ANKRD29: variants seen among roughly 807,000 people sequenced by gnomAD.
ANKRD29 encodes the protein ankyrin repeat domain 29.
A neutral mutation model predicts 38.0 loss-of-function variants in ANKRD29; 32 were observed. That is an observed-to-expected ratio of 0.84 (90% CI 0.64 to 1.13). The LOEUF is 1.13. Among genes scored for constraint, ANKRD29 ranks in the 50% most tolerant of loss-of-function variants. The pLI, the probability that ANKRD29 is intolerant of heterozygous loss-of-function variation, is 0.00. For missense variants in ANKRD29, 357 were observed against 377.9 expected (o/e 0.94, Z 0.46); for synonymous variants, 135 against 152.4 (o/e 0.89, Z 0.84).
chr18:23,649,266 A>T, intron 1 of ANKRD29, 73 bp from the exon 2 acceptor site: 1 of 1,088,400 alleles, frequency 9.2e-7, no homozygotes, highest in Non-Finnish European at 1.4e-6. Flanking sequence ...CACATAGATA[A>T]TAACATTCAG....
intron 9 of ANKRD29, among the ~76,000 whole-genome samples, chr18:23,610,178 C>T (rs1055241448): frequency 3.9e-5 from 6 of 152,124 alleles, no homozygotes; most frequent in Non-Finnish European, 8.8e-5. Flanking sequence ...CTTTCTCCTC[C>T]AAAAGTTTGT....
intron 6 of ANKRD29, 31 bp from the exon 7 acceptor site, chr18:23,619,660 A>T: frequency 6.6e-7 from 1 of 1,524,156 alleles, no homozygotes; most frequent in Non-Finnish European, 8.7e-7. Context: ...GGCCGCCGTG[A>T]CTGGGGCGCC....
chr18:23,624,060 T>A (rs924904372), intron 6 of ANKRD29, among the ~76,000 whole-genome samples: 3 of 152,236 alleles, frequency 2.0e-5, no homozygotes, highest in Non-Finnish European at 4.4e-5. Context: ...AAAAAACATT[T>A]AAAAATATTC....
At chr18:23,616,688 G>T (rs1353094470) in intron 8 of ANKRD29, among the ~76,000 whole-genome samples, 1 of 143,538 alleles carries the variant, frequency 7.0e-6, no homozygotes, top group East Asian at 2.1e-4. Context: ...TATCTTTACT[G>T]TAGTAAATAT....
rs188624905 is a variant in ANKRD29, at chr18:23,645,468, G to A, written c.231+721C>T. Among the ~76,000 whole-genome samples the A allele has an allele frequency of 2.6e-5, 4 of 152,254 alleles. No individual in the cohort carries two copies. In the South Asian group the frequency reaches 6.2e-4, roughly 24 times the overall value. On this transcript the variant is annotated intron_variant, in intron 3 of 9. Coordinates refer to ENST00000592179, the MANE Select transcript of ANKRD29 (RefSeq NM_173505.4). ...CACACACCTGCAGTCCCAGCTACTCGGGAGGCTGAGGCATGAGAATCACTT... is the reference window on the plus strand; with the variant it reads ...CACACACCTGCAGTCCCAGCTACTCAGGAGGCTGAGGCATGAGAATCACTT...
intron 1 of ANKRD29, among the ~76,000 whole-genome samples, chr18:23,653,485 G>A (rs543780051): frequency 6.6e-6 from 1 of 152,208 alleles, no homozygotes; most frequent in South Asian, 2.1e-4. Context: ...TCCTGACCTC[G>A]TGATCCGCCC....
chr18:23,631,093 G>A lies in ANKRD29; in HGVS notation c.430-1142C>T, dbSNP rs528141969. 9.2e-5 allele frequency among the ~76,000 whole-genome samples: 14 copies of A among 151,860 alleles called. 1 individual carries two copies. The South Asian group carries it at 2.9e-3, about 32-fold the overall frequency. On this transcript the variant is annotated intron_variant, in intron 5 of 9. Transcript: ENST00000592179. ...CTTGTTCCCCCAACATGAGGGTTCT[G>A]CAAGAATTAAGATACAATATGCAGC... is the stretch of plus-strand genomic sequence containing the variant.
In ANKRD29 at chr18:23,615,143, G is replaced by A. The variant is rs117174027; in HGVS notation, c.723+2589C>T. Among the ~76,000 whole-genome samples, 41 of 152,096 alleles carry A rather than the reference G, an allele frequency of 2.7e-4. 2 individuals are homozygous for A. The East Asian group carries it at 7.6e-3, about 28-fold the overall frequency. On this transcript the variant is annotated intron_variant, in intron 8 of 9. Coordinates refer to ENST00000592179, the MANE Select transcript of ANKRD29 (RefSeq NM_173505.4). ...CTCAAGCAATCCTCCTGCCTCAGCT[G>A]GGACTACAGCCACACACCATGGCAT...
At chr18:23,662,622 A>AAAC in intron 1 of ANKRD29, 88 bp downstream of exon 1, 3 of 65,706 alleles carry the variant, frequency 4.6e-5, no homozygotes, top group Non-Finnish European at 8.3e-5. Context: ...CGCCCACCCC[A>AAAC]TCCCACCCCA....
intron 1 of ANKRD29, among the ~76,000 whole-genome samples, chr18:23,653,164 T>G (rs2060231825): frequency 6.6e-6 from 1 of 152,216 alleles, no homozygotes; most frequent in Admixed American, 6.5e-5. Flanking sequence ...CTCTATGATG[T>G]TTGCGCAATG....
At chr18:23,619,385 C>T in intron 7 of ANKRD29, 146 bp downstream of exon 7, 1 of 740,102 alleles carries the variant, frequency 1.4e-6, no homozygotes, top group Non-Finnish European at 2.1e-6. Context: ...CGAGCAGCAC[C>T]GAATCAGACC....
intron 6 of ANKRD29, among the ~76,000 whole-genome samples, chr18:23,626,253 T>C (rs1426377501): frequency 6.6e-6 from 1 of 152,232 alleles, no homozygotes; most frequent in African/African-American, 2.4e-5. Context: ...TGGCACTTTA[T>C]TAGATGACTT....
At chr18:23,636,156 A>ATGTG (rs1282575691) in intron 4 of ANKRD29, among the ~76,000 whole-genome samples, 1 of 152,178 alleles carries the variant, frequency 6.6e-6, no homozygotes, top group African/African-American at 2.4e-5. Flanking sequence ...GTATGTATGT[A>ATGTG]TGTCAGGGTC....
rs1358294108 is a variant in ANKRD29, at chr18:23,623,314, A to C, written c.529-3685T>G. On this transcript the variant is annotated intron_variant, in intron 6 of 9. Coordinates refer to ENST00000592179, the MANE Select transcript of ANKRD29 (RefSeq NM_173505.4). The stretch of plus-strand genomic sequence containing the variant: ...TTCATTACTAGTCATTACATCTCCA[A>C]ATCTGATTTTGGAGCCCAGGGAGTT... 2.0e-5 allele frequency among the ~76,000 whole-genome samples: 3 copies of C among 152,276 alleles called. No homozygotes were observed. The East Asian group carries it at 5.8e-4, about 29-fold the overall frequency.
chr18:23,626,320 G>A (rs2059861637), intron 6 of ANKRD29, among the ~76,000 whole-genome samples: 1 of 152,218 alleles, frequency 6.6e-6, no homozygotes, highest in African/African-American at 2.4e-5. Context: ...AGATAGAGAT[G>A]AGTTAACTGA....
Position 23,614,901 on chromosome 18 carries a change from C to T in ANKRD29, c.724-2711G>A, listed in dbSNP as rs564927559. Among the ~76,000 whole-genome samples, 4 of 152,234 alleles carry T rather than the reference C, an allele frequency of 2.6e-5. No individual in the cohort carries two copies. The South Asian group carries it at 8.3e-4, about 32-fold the overall frequency. ...CTGAGAGGACAGTCCTAAAGCTAAG[C>T]CGCTGTGTCCATTTAGAACAGATTT... On this transcript the variant is annotated intron_variant, in intron 8 of 9. Coordinates refer to ENST00000592179, the MANE Select transcript of ANKRD29 (RefSeq NM_173505.4).
At position 23,612,188 on chromosome 18, in the gene ANKRD29, ATT is replaced by A; in HGVS notation, c.724_725del (p.Asn242TrpfsTer15). On this transcript the variant is annotated frameshift_variant and splice_region_variant, in exon 9 of 10. Coordinates refer to ENST00000592179, the MANE Select transcript of ANKRD29 (RefSeq NM_173505.4). LOFTEE classifies it high-confidence loss of function. The stretch of plus-strand genomic sequence containing the variant: ...CTGCTGCATGGAGCGCTGATGTCCC[ATT>A]CTAAGAGAAAATGACAGTGTGTGTC... Reference protein sequence around the residue: ...KFSPTLGILKNGTSALHAAVL... With the variant: ...KFSPTLGILKXGTSALHAAVL... 6.2e-7 allele frequency: 1 copy of A among 1,612,972 alleles called. No individual in the cohort carries two copies. The highest frequency in any genetic ancestry group is 1.1e-5 in the South Asian group (1 of 90,900).
At chr18:23,616,548 T>TAC in intron 8 of ANKRD29, among the ~76,000 whole-genome samples, 1 of 106,806 alleles carries the variant, frequency 9.4e-6, no homozygotes, top group African/African-American at 4.4e-5. Context: ...TATATATATA[T>TAC]AGTATATATA....
chr18:23,640,238 G>A (rs1344512812), intron 3 of ANKRD29, among the ~76,000 whole-genome samples: 4 of 152,158 alleles, frequency 2.6e-5, no homozygotes, highest in Non-Finnish European at 5.9e-5. Flanking sequence ...GCAAGGAAGG[G>A]AATTCCCCCA....
Sources: allele counts gnomAD v4.1 joint callset (sites outside exome capture counted in the v4.1 genomes callset), GRCh38; gene constraint gnomAD v4.1.1; transcripts MANE v1.5; gene names NCBI Gene and HGNC (gene_info 2026-07-23, HGNC 2026-07-21).